ZNG1B: variants seen among roughly 807,000 people sequenced by gnomAD.
ZNG1B encodes zinc-regulated GTPase metalloprotein activator 1B.
the ZNG1B span, among the ~76,000 whole-genome samples, chr2:113,472,010 G>T: frequency 6.6e-6 from 1 of 151,478 alleles, no homozygotes; most frequent in South Asian, 2.1e-4. Flanking sequence ...GTAATGGGAT[G>T]GCTGGGTCAA....
the ZNG1B span, among the ~76,000 whole-genome samples, chr2:113,471,454 AT>A: frequency 6.8e-6 from 1 of 146,090 alleles, no homozygotes; most frequent in Non-Finnish European, 1.5e-5. Flanking sequence ...TTTATTTTTT[AT>A]TTTTTCTTGA....
chr2:113,454,573 T>C, the ZNG1B span, among the ~76,000 whole-genome samples: 4 of 150,864 alleles, frequency 2.7e-5, no homozygotes, highest in East Asian at 7.8e-4. Flanking sequence ...ATTACTGGAA[T>C]TTAATTAAAT....
At chr2:113,444,557 T>A in the ZNG1B span, among the ~76,000 whole-genome samples, 5 of 151,970 alleles carry the variant, frequency 3.3e-5, no homozygotes, top group Non-Finnish European at 7.4e-5. Context: ...AAACCTTGCA[T>A]CCTAATGTAA....
chr2:113,439,129 G>C, the ZNG1B span: 31 of 1,473,930 alleles, frequency 2.1e-5, no homozygotes, highest in Admixed American at 1.5e-4. Context: ...TAGGTCAGTA[G>C]ATCACTGGAG....
chr2:113,473,571 CA>C, the ZNG1B span, among the ~76,000 whole-genome samples: 1 of 151,900 alleles, frequency 6.6e-6, no homozygotes, highest in African/African-American at 2.4e-5. Context: ...TGCCCATTTT[CA>C]AAGGGAATGC....
chr2:113,437,863 G>A, the ZNG1B span: 1 of 1,611,890 alleles, frequency 6.2e-7, no homozygotes, highest in African/African-American at 1.3e-5. Flanking sequence ...CGTGCTGTAG[G>A]CCGGAATGTT....
chr2:113,489,359 G>A, the ZNG1B span, among the ~76,000 whole-genome samples: 1 of 152,156 alleles, frequency 6.6e-6, no homozygotes, highest in Non-Finnish European at 1.5e-5. Context: ...TCTAAATCTT[G>A]AAACAAATCC....
chr2:113,484,906 T>A, the ZNG1B span, among the ~76,000 whole-genome samples: 9 of 152,114 alleles, frequency 5.9e-5, no homozygotes, highest in Admixed American at 3.9e-4. Flanking sequence ...ACTCCTGACT[T>A]CACCTGCTTC....
chr2:113,461,375 G>A, the ZNG1B span, among the ~76,000 whole-genome samples: 8 of 152,016 alleles, frequency 5.3e-5, no homozygotes, highest in African/African-American at 1.9e-4. Context: ...AATCCACTGT[G>A]CCTGGCTGAA....
chr2:113,445,334 A>G, the ZNG1B span: 4 of 343,476 alleles, frequency 1.2e-5, no homozygotes, highest in East Asian at 2.4e-4. Context: ...AAAAATAAGG[A>G]CATGTAGGAA....
At chr2:113,476,267 TC>T in the ZNG1B span, among the ~76,000 whole-genome samples, 1 of 152,260 alleles carries the variant, frequency 6.6e-6, no homozygotes, top group East Asian at 1.9e-4. Context: ...TACCCTTTCT[TC>T]CAGTTGATCG....
At chr2:113,475,921 C>T in the ZNG1B span, among the ~76,000 whole-genome samples, 2 of 152,156 alleles carry the variant, frequency 1.3e-5, no homozygotes, top group Non-Finnish European at 2.9e-5. Flanking sequence ...CTGCCCTTAA[C>T]ATTTTTTCCT....
At chr2:113,483,846 C>G in the ZNG1B span, among the ~76,000 whole-genome samples, 1 of 152,340 alleles carries the variant, frequency 6.6e-6, no homozygotes, top group East Asian at 1.9e-4. Context: ...AAGCAAATTC[C>G]AGACACTATG....
the ZNG1B span, chr2:113,468,436 C>T: frequency 6.7e-6 from 1 of 149,942 alleles, no homozygotes; most frequent in Non-Finnish European, 1.5e-5. Context: ...CTACTTAAAG[C>T]AGCCTTTAGA....
chr2:113,476,633 C>A, the ZNG1B span, among the ~76,000 whole-genome samples: 1 of 149,684 alleles, frequency 6.7e-6, no homozygotes, highest in Non-Finnish European at 1.5e-5. Context: ...CTGTTTTTTC[C>A]CCATCTTTGT....
chr2:113,469,973 T>A, the ZNG1B span: 1 of 150,060 alleles, frequency 6.7e-6, no homozygotes, highest in African/African-American at 2.5e-5. Context: ...TTATGAGAAA[T>A]CACTGTCCTC....
At chr2:113,471,410 G>A in the ZNG1B span, among the ~76,000 whole-genome samples, 6 of 151,404 alleles carry the variant, frequency 4.0e-5, no homozygotes, top group East Asian at 1.9e-4. Context: ...TTAGCTTAGC[G>A]TTTTCACACA....
the ZNG1B span, among the ~76,000 whole-genome samples, chr2:113,460,932 TG>T: frequency 1.3e-5 from 2 of 150,562 alleles, no homozygotes; most frequent in South Asian, 4.1e-4. Context: ...ATAAAGTGAA[TG>T]CTGAACACAG....
At chr2:113,464,055 C>T in the ZNG1B span, among the ~76,000 whole-genome samples, 28 of 146,448 alleles carry the variant, frequency 1.9e-4, no homozygotes, top group African/African-American at 6.3e-4. Context: ...TATTACTTGA[C>T]TTTTATATCC....
Sources: gnomAD v4.1 joint callset for allele counts (sites outside exome capture counted in the v4.1 genomes callset) on GRCh38, gnomAD v4.1.1 for gene constraint, MANE v1.5 for transcripts, NCBI Gene and HGNC (gene_info 2026-07-23, HGNC 2026-07-21) for gene names.